Variants in RNGTT observed in about 807,000 individuals in gnomAD.
RNGTT encodes RNA guanylyltransferase and 5'-phosphatase.
Under a neutral mutation model 79.3 loss-of-function variants are expected in RNGTT, and 33 were observed. The observed-to-expected ratio is 0.42, with a 90% CI of 0.32 to 0.56. RNGTT has a LOEUF of 0.56. Among genes scored for constraint, RNGTT ranks in the 20% least tolerant of loss-of-function variants. The probability of loss-of-function intolerance (pLI) is 0.17; values close to 1 mark genes in which losing one functional copy is unlikely to be tolerated. For missense variants in RNGTT, 497 were observed against 739.1 expected (o/e 0.67, Z 3.80); for synonymous variants, 222 against 235.9 (o/e 0.94, Z 0.54).
At chr6:88,879,389 G>A (rs908122312) in intron 8 of RNGTT, among the ~76,000 whole-genome samples, 10 of 152,118 alleles carry the variant, frequency 6.6e-5, no homozygotes, top group Non-Finnish European at 1.0e-4. Context: ...GTGAGACTCC[G>A]TCTCTACATA....
chr6:88,919,222 G>C (rs1784089179), intron 4 of RNGTT, among the ~76,000 whole-genome samples: 1 of 152,164 alleles, frequency 6.6e-6, no homozygotes, highest in Non-Finnish European at 1.5e-5. Context: ...TTCATCATGA[G>C]AATGGGTCCA....
intron 11 of RNGTT, among the ~76,000 whole-genome samples, chr6:88,827,930 G>C (rs1213789979): frequency 1.3e-5 from 2 of 152,282 alleles, no homozygotes; most frequent in East Asian, 3.9e-4. Flanking sequence ...CTGGGACAGA[G>C]TACCTGGGGG....
chr6:88,618,318 T>C (rs1170818696), intron 14 of RNGTT, among the ~76,000 whole-genome samples: 1 of 152,200 alleles, frequency 6.6e-6, no homozygotes, highest in Non-Finnish European at 1.5e-5. Context: ...GGTGGTAAAA[T>C]ATATTTAACT....
chr6:88,709,549 T>C (rs1424213346), intron 13 of RNGTT, among the ~76,000 whole-genome samples: 1 of 152,234 alleles, frequency 6.6e-6, no homozygotes, highest in Non-Finnish European at 1.5e-5. Flanking sequence ...CAAGCACATA[T>C]ATAATTTTAG....
intron 12 of RNGTT, among the ~76,000 whole-genome samples, chr6:88,798,220 T>A (rs943895169): frequency 1.3e-5 from 2 of 152,132 alleles, no homozygotes; most frequent in African/African-American, 4.8e-5. Context: ...ATCCCAGCAC[T>A]TTGCGAGGCT....
In RNGTT at chr6:88,612,536, T is replaced by A; in HGVS notation, c.*183A>T. ...TTAAGTCCACGATGTATTGCAGCACTGAGGAAACGAATGCATCAAGTATTT... is the reference window on the plus strand; with the variant it reads ...TTAAGTCCACGATGTATTGCAGCACAGAGGAAACGAATGCATCAAGTATTT... On this transcript the variant is annotated 3_prime_UTR_variant, in exon 16 of 16. Coordinates refer to ENST00000369485, the MANE Select transcript of RNGTT (RefSeq NM_003800.5). 1 of 621,120 alleles carries A rather than the reference T, an allele frequency of 1.6e-6. No individual in the cohort carries two copies. The highest frequency in any genetic ancestry group is 2.8e-6 in the Non-Finnish European group (1 of 351,004). The allele number at this position is 621,120 out of a possible 1,614,324, so 38.5% of individuals were successfully genotyped here. A position where few individuals can be genotyped will look rare whatever the true frequency, so the allele number is the denominator to read the frequency against.
intron 15 of RNGTT, among the ~76,000 whole-genome samples, chr6:88,613,409 G>A (rs1772105454): frequency 6.6e-6 from 1 of 152,012 alleles, no homozygotes; most frequent in African/African-American, 2.4e-5. Context: ...TTACCTATTT[G>A]GTCTTAGAAG....
intron 13 of RNGTT, among the ~76,000 whole-genome samples, chr6:88,712,272 A>C (rs1776345138): frequency 6.6e-6 from 1 of 152,224 alleles, no homozygotes; most frequent in South Asian, 2.1e-4. Context: ...AGGAAGAATT[A>C]ATTTGGACTC....
intron 8 of RNGTT, among the ~76,000 whole-genome samples, chr6:88,889,126 A>T (rs1425610562): frequency 6.6e-6 from 1 of 152,178 alleles, no homozygotes; most frequent in African/African-American, 2.4e-5. Context: ...AGGTGATAAA[A>T]TTTCTTTTTT....
At chr6:88,765,888 T>C (rs189334465) in intron 13 of RNGTT, among the ~76,000 whole-genome samples, 1 of 152,224 alleles carries the variant, frequency 6.6e-6, no homozygotes, top group Admixed American at 6.5e-5. Context: ...ACAAAAAAGC[T>C]AAAGATATAT....
intron 13 of RNGTT, among the ~76,000 whole-genome samples, chr6:88,766,219 A>G (rs1416601251): frequency 1.3e-5 from 2 of 152,146 alleles, no homozygotes; most frequent in African/African-American, 4.8e-5. Context: ...ACAGACAGTA[A>G]GGAGATAACC....
chr6:88,868,295 G>A (rs1048757233), intron 8 of RNGTT, among the ~76,000 whole-genome samples: 4 of 152,196 alleles, frequency 2.6e-5, no homozygotes, highest in African/African-American at 9.6e-5. Flanking sequence ...CAAGGAGTGG[G>A]AGTTGACATC....
At chr6:88,899,115 G>GA (rs1241814980) in intron 6 of RNGTT, among the ~76,000 whole-genome samples, 4 of 149,472 alleles carry the variant, frequency 2.7e-5, no homozygotes, top group Non-Finnish European at 5.9e-5. Context: ...TTTGAAAAAA[G>GA]AAAAAACTAC....
chr6:88,829,721 A>ACAAAC (rs59596023), intron 11 of RNGTT, among the ~76,000 whole-genome samples: 1 of 115,582 alleles, frequency 8.7e-6, no homozygotes, highest in African/African-American at 3.1e-5. Context: ...AAAAAAAAAA[A>ACAAAC]AAACCAGGGG....
At chr6:88,777,177 G>A (rs1359664200) in intron 12 of RNGTT, among the ~76,000 whole-genome samples, 3 of 152,054 alleles carry the variant, frequency 2.0e-5, no homozygotes, top group African/African-American at 7.2e-5. Flanking sequence ...TTATTTCTGG[G>A]CCCTCTATTC....
At position 88,612,643 on chromosome 6, in the gene RNGTT, C is replaced by G; in HGVS notation, c.*76G>C. 1.1e-4 allele frequency: 112 copies of G among 1,023,398 alleles called. No individual in the cohort carries two copies. Among genetic ancestry groups the G allele is most frequent in the Middle Eastern group, 4.0e-4 (1 of 2,516 alleles). The allele number at this position is 1,023,398 out of a possible 1,614,324, so 63.4% of individuals were successfully genotyped here. ...TCAAGCCACAGTCGTTTTTCAATTT[C>G]TCTGGCTACAAAAATGGGCAACAGC... On this transcript the variant is annotated 3_prime_UTR_variant, in exon 16 of 16. Transcript: ENST00000369485.
intron 12 of RNGTT, among the ~76,000 whole-genome samples, chr6:88,779,982 A>G (rs553718619): frequency 6.6e-6 from 1 of 152,340 alleles, no homozygotes; most frequent in East Asian, 1.9e-4. Flanking sequence ...CAATAGGGTG[A>G]GACTCTGTCT....
At chr6:88,868,973 C>A (rs1280344070) in intron 8 of RNGTT, among the ~76,000 whole-genome samples, 3 of 152,116 alleles carry the variant, frequency 2.0e-5, no homozygotes, top group Non-Finnish European at 4.4e-5. Context: ...AGGCATTATA[C>A]TTTACCATAA....
intron 14 of RNGTT, among the ~76,000 whole-genome samples, chr6:88,644,761 A>G (rs1277356434): frequency 6.6e-6 from 1 of 152,252 alleles, no homozygotes; most frequent in Non-Finnish European, 1.5e-5. Flanking sequence ...CCACATGATT[A>G]TCTCAATAGA....
Sources: gnomAD v4.1 joint callset for allele counts (sites outside exome capture counted in the v4.1 genomes callset) on GRCh38, gnomAD v4.1.1 for gene constraint, MANE v1.5 for transcripts, NCBI Gene and HGNC (gene_info 2026-07-23, HGNC 2026-07-21) for gene names.